The following LIPA variants were observed in gnomAD, a reference collection of about 807,000 sequenced individuals.
LIPA encodes lysosomal acid lipase/cholesteryl ester hydrolase.
Under a neutral mutation model 40.6 loss-of-function variants are expected in LIPA, and 26 were observed. That is an observed-to-expected ratio of 0.64 (90% CI 0.47 to 0.89). The LOEUF is 0.89. Among genes scored for constraint, LIPA ranks in the 40% least tolerant of loss-of-function variants. The pLI is 0.00. For synonymous variants in LIPA, 188 were observed against 168.4 expected (o/e 1.12, Z -0.90); for missense variants, 455 against 479.6 (o/e 0.95, Z 0.48).
At chr10:89,247,479 A>T in intron 2 of LIPA, 59 bp downstream of exon 2, 1 of 972,006 alleles carries the variant, frequency 1.0e-6, no homozygotes, top group Non-Finnish European at 1.7e-6. Context: ...CATGTAGCTC[A>T]CATAACTGGA....
intron 2 of LIPA, chr10:89,405,704 C>T (rs1844518556): frequency 6.6e-6 from 1 of 152,240 alleles, no homozygotes; most frequent in Non-Finnish European, 1.5e-5. Flanking sequence ...TCTCTGCTTC[C>T]TTCTTCACAT....
chr10:89,338,576 G>A, intron 1 of LIPA: 1 of 1,319,850 alleles, frequency 7.6e-7, no homozygotes, highest in East Asian at 2.3e-5. Flanking sequence ...CTGTGGCCCA[G>A]TTCAATTGAC....
At chr10:89,224,097 G>A (rs761936153) in intron 6 of LIPA, among the ~76,000 whole-genome samples, 4 of 152,184 alleles carry the variant, frequency 2.6e-5, no homozygotes, top group Non-Finnish European at 5.9e-5. Flanking sequence ...TTCTACAGTG[G>A]GAAAGGGCCT....
chr10:89,225,010 G>T, intron 6 of LIPA, 82 bp downstream of exon 6: 1 of 1,519,364 alleles, frequency 6.6e-7, no homozygotes, highest in South Asian at 1.1e-5. Flanking sequence ...GGAAGGCACA[G>T]ATTATCCCTC....
intron 2 of LIPA, among the ~76,000 whole-genome samples, chr10:89,356,485 G>A (rs913768156): frequency 3.9e-5 from 6 of 152,054 alleles, no homozygotes; most frequent in South Asian, 2.1e-4. Context: ...TCTGAGTTCC[G>A]CCTCCTGTCA....
At chr10:89,248,951 G>C (rs751218848) in intron 1 of LIPA, among the ~76,000 whole-genome samples, 9 of 152,162 alleles carry the variant, frequency 5.9e-5, no homozygotes, top group Non-Finnish European at 1.0e-4. Flanking sequence ...GAAAAAGAAA[G>C]AGACACAAAA....
intron 1 of LIPA, chr10:89,306,716 G>A (rs1246454853): frequency 5.0e-6 from 8 of 1,614,118 alleles, no homozygotes; most frequent in Non-Finnish European, 6.8e-6. Flanking sequence ...TCGCAGTGCA[G>A]CCAAGTTTTA....
Position 89,245,564 on chromosome 10 carries a change from G to A in LIPA, c.229+112C>T. ...CCTTGCAAACCTCAACACAGTTAGT[G>A]CTTTCGTCTAAAAATAATCCCATTT... On this transcript the variant is annotated intron_variant, in intron 3 of 9. Coordinates refer to ENST00000336233, the MANE Select transcript of LIPA (RefSeq NM_000235.4). 16 of 760,512 alleles carry A rather than the reference G, an allele frequency of 2.1e-5. No homozygotes were observed. The South Asian group carries it at 2.2e-4, about 10-fold the overall frequency. The allele number at this position is 760,512 out of a possible 1,614,324, so 47.1% of individuals were successfully genotyped here.
intron 1 of LIPA, among the ~76,000 whole-genome samples, chr10:89,288,602 C>T (rs1343024881): frequency 6.6e-6 from 1 of 152,080 alleles, no homozygotes; most frequent in Non-Finnish European, 1.5e-5. Flanking sequence ...ACTCCATTTC[C>T]CCATATTTCC....
chr10:89,381,001 A>G (rs1213037629), intron 2 of LIPA, among the ~76,000 whole-genome samples: 2 of 152,284 alleles, frequency 1.3e-5, no homozygotes, highest in East Asian at 3.9e-4. Context: ...AAATTCTACA[A>G]TCTCAGTGAA....
intron 1 of LIPA, among the ~76,000 whole-genome samples, chr10:89,296,124 C>T (rs1843413332): frequency 6.6e-6 from 1 of 152,228 alleles, no homozygotes; most frequent in South Asian, 2.1e-4. Context: ...ACCAAACCCA[C>T]AGCATTTCCA....
At chr10:89,388,418 TAA>T (rs1413526404) in intron 2 of LIPA, among the ~76,000 whole-genome samples, 1 of 152,224 alleles carries the variant, frequency 6.6e-6, no homozygotes, top group Non-Finnish European at 1.5e-5. Flanking sequence ...AAAAAATTCT[TAA>T]ACTCTACTTA....
intron 2 of LIPA, chr10:89,384,594 A>C (rs1431403264): frequency 1.2e-6 from 2 of 1,614,080 alleles, no homozygotes; most frequent in Non-Finnish European, 1.7e-6. Context: ...AATTGGCTAA[A>C]AGATGTATTC....
chr10:89,309,068 C>G (rs1334311052), intron 1 of LIPA: 1 of 152,188 alleles, frequency 6.6e-6, no homozygotes, highest in Non-Finnish European at 1.5e-5. Context: ...CAGAACAAAA[C>G]TTTTTCCTCA....
At chr10:89,250,160 C>T (rs1168752098) in intron 1 of LIPA, among the ~76,000 whole-genome samples, 3 of 139,196 alleles carry the variant, frequency 2.2e-5, no homozygotes, top group Non-Finnish European at 4.5e-5. Context: ...AGTACAGTGG[C>T]GAGATCTTGG....
chr10:89,259,843 A>C (rs1843198029), intron 1 of LIPA, among the ~76,000 whole-genome samples: 2 of 152,224 alleles, frequency 1.3e-5, no homozygotes, highest in Admixed American at 1.3e-4. Context: ...ATTAGTCTAC[A>C]GTCACAGAAA....
intron 1 of LIPA, among the ~76,000 whole-genome samples, chr10:89,273,378 T>C (rs1843275395): frequency 6.6e-6 from 1 of 151,992 alleles, no homozygotes; most frequent in Admixed American, 6.6e-5. Flanking sequence ...TGTGACTGTT[T>C]TGGGGGTACT....
At chr10:89,266,549 C>T (rs979530078) in intron 1 of LIPA, among the ~76,000 whole-genome samples, 1 of 152,180 alleles carries the variant, frequency 6.6e-6, no homozygotes. Flanking sequence ...AGACTTGGAT[C>T]CCGTGCCTGA....
chr10:89,368,416 C>T (rs1844073316), intron 2 of LIPA, among the ~76,000 whole-genome samples: 1 of 152,142 alleles, frequency 6.6e-6, no homozygotes, highest in Admixed American at 6.6e-5. Flanking sequence ...GAAAGGGTCC[C>T]CAGCTGTCTC....
Sources: allele counts gnomAD v4.1 joint callset (sites outside exome capture counted in the v4.1 genomes callset), GRCh38; gene constraint gnomAD v4.1.1; transcripts MANE v1.5; gene names NCBI Gene and HGNC (gene_info 2026-07-23, HGNC 2026-07-21).